The following SLC35F3 variants were observed in gnomAD, a reference collection of about 807,000 sequenced individuals.
The protein encoded by SLC35F3 is solute carrier family 35 member F3, also known as putative thiamine transporter SLC35F3.
Under a neutral mutation model 49.9 loss-of-function variants are expected in SLC35F3, and 25 were observed. The ratio of observed to expected loss-of-function variants is 0.50; its 90% CI spans 0.37 to 0.70. The LOEUF is 0.70. SLC35F3 is among the 30% of genes least tolerant of loss of function. SLC35F3 has a pLI of 0.00. For synonymous variants in SLC35F3, 275 were observed against 265.4 expected, an observed-to-expected ratio of 1.04 and a Z score of -0.35; for missense variants, 525 against 639.8, an observed-to-expected ratio of 0.82 and a Z score of 1.94.
chr1:234,230,217 G>A (rs988722246), intron 2 of SLC35F3, among the ~76,000 whole-genome samples: 1 of 152,196 alleles, frequency 6.6e-6, no homozygotes, highest in Non-Finnish European at 1.5e-5. Context: ...CAGCACAGCT[G>A]GTGGTTAACG....
Position 233,908,515 on chromosome 1 carries a change from A to G in SLC35F3, c.283+2757A>G, listed in dbSNP as rs181741867. Among the ~76,000 whole-genome samples the G allele has an allele frequency of 7.8e-4, 118 of 151,752 alleles. 1 individual carries two copies. Among genetic ancestry groups the G allele is most frequent in the African/African-American group, 2.8e-3 (115 of 41,390 alleles). On this transcript the variant is annotated intron_variant, in intron 2 of 7. Transcript: ENST00000366618. Reference sequence around the variant, plus strand: ...TGGATTCGCAAGTTTCGCTCTAGACAAGAGAATTTTGTAAAGGATTCTTTT... The same window carrying G: ...TGGATTCGCAAGTTTCGCTCTAGACGAGAGAATTTTGTAAAGGATTCTTTT...
At chr1:233,916,980 A>C (rs1661982487) in intron 2 of SLC35F3, among the ~76,000 whole-genome samples, 1 of 149,922 alleles carries the variant, frequency 6.7e-6, no homozygotes, top group Admixed American at 6.7e-5. Context: ...TTCCTTCTTC[A>C]TTCAGTCATC....
At chr1:234,024,497 T>C (rs1309335015) in intron 2 of SLC35F3, among the ~76,000 whole-genome samples, 2 of 152,162 alleles carry the variant, frequency 1.3e-5, no homozygotes, top group Non-Finnish European at 2.9e-5. Flanking sequence ...AATTTCTTTC[T>C]TACAGTTATG....
chr1:234,069,239 T>C (rs1471656244), intron 2 of SLC35F3, among the ~76,000 whole-genome samples: 1 of 133,868 alleles, frequency 7.5e-6, no homozygotes, highest in East Asian at 2.0e-4. Context: ...TATATAAAAA[T>C]ATATAATATA....
At chr1:234,192,477 A>T (rs190065416) in intron 2 of SLC35F3, among the ~76,000 whole-genome samples, 55 of 152,338 alleles carry the variant, frequency 3.6e-4, no homozygotes. Context: ...TCTATGACAA[A>T]TCCACAGCCA....
intron 2 of SLC35F3, among the ~76,000 whole-genome samples, chr1:234,180,173 G>T (rs1666535503): frequency 6.6e-6 from 1 of 152,144 alleles, no homozygotes; most frequent in Admixed American, 6.5e-5. Flanking sequence ...TGAGCCTCAG[G>T]TGGTCATCTC....
intron 3 of SLC35F3, among the ~76,000 whole-genome samples, chr1:234,256,523 G>A (rs988810560): frequency 2.6e-5 from 4 of 152,210 alleles, no homozygotes; most frequent in African/African-American, 9.7e-5. Flanking sequence ...TGATTTCACA[G>A]CCTCATGACT....
chr1:234,146,982 G>C (rs914663637), intron 2 of SLC35F3, among the ~76,000 whole-genome samples: 1 of 152,146 alleles, frequency 6.6e-6, no homozygotes, highest in Non-Finnish European at 1.5e-5. Flanking sequence ...AAAATTATAG[G>C]TTCAAAGATA....
intron 4 of SLC35F3, among the ~76,000 whole-genome samples, chr1:234,315,045 A>G (rs1302598245): frequency 6.6e-6 from 1 of 152,132 alleles, no homozygotes; most frequent in Non-Finnish European, 1.5e-5. Flanking sequence ...TCTCTTAATG[A>G]ACACTTCTAC....
chr1:234,114,857 C>T (rs1445441033), intron 2 of SLC35F3, among the ~76,000 whole-genome samples: 1 of 151,940 alleles, frequency 6.6e-6, no homozygotes, highest in Non-Finnish European at 1.5e-5. Context: ...TCTTGAGATG[C>T]GGCGTGCATT....
At chr1:234,045,045 G>A (rs547765551) in intron 2 of SLC35F3, among the ~76,000 whole-genome samples, 2 of 152,084 alleles carry the variant, frequency 1.3e-5, no homozygotes, top group South Asian at 2.1e-4. Context: ...TGTGCTTCAA[G>A]GTTGCTATGA....
At chr1:234,265,797 C>A (rs1572123706) in intron 3 of SLC35F3, among the ~76,000 whole-genome samples, 2 of 152,298 alleles carry the variant, frequency 1.3e-5, no homozygotes, top group Admixed American at 1.3e-4. Context: ...AGTCTATGTA[C>A]CCCACATGAT....
chr1:234,034,745 A>G (rs1004863167), intron 2 of SLC35F3, among the ~76,000 whole-genome samples: 2 of 151,568 alleles, frequency 1.3e-5, no homozygotes, highest in African/African-American at 4.9e-5. Context: ...CTAGTCTCGA[A>G]CTCCTAGCCT....
At chr1:234,159,133 G>A (rs1247253272) in intron 2 of SLC35F3, among the ~76,000 whole-genome samples, 1 of 152,104 alleles carries the variant, frequency 6.6e-6, no homozygotes, top group African/African-American at 2.4e-5. Context: ...ACACACGAAT[G>A]TGAAGTTTGT....
intron 2 of SLC35F3, among the ~76,000 whole-genome samples, chr1:234,121,119 A>G (rs1311043853): frequency 6.6e-6 from 1 of 150,662 alleles, no homozygotes; most frequent in Non-Finnish European, 1.5e-5. Context: ...TATCAATTTG[A>G]AGATGAAAAA....
intron 2 of SLC35F3, among the ~76,000 whole-genome samples, chr1:234,116,041 T>C (rs1242417332): frequency 1.3e-5 from 2 of 152,166 alleles, no homozygotes; most frequent in Admixed American, 1.3e-4. Context: ...TTCTTTCAAG[T>C]CTTTGATCAG....
intron 3 of SLC35F3, among the ~76,000 whole-genome samples, chr1:234,234,849 T>A (rs1667438045): frequency 6.6e-6 from 1 of 152,162 alleles, no homozygotes; most frequent in Admixed American, 6.5e-5. Flanking sequence ...TGCTGTGTGA[T>A]CAAATGACAC....
intron 2 of SLC35F3, among the ~76,000 whole-genome samples, chr1:234,108,343 A>AAGAT (rs1400049075): frequency 8.2e-6 from 1 of 122,066 alleles, no homozygotes; most frequent in Non-Finnish European, 1.6e-5. Context: ...ATATATATAA[A>AAGAT]AGATATATAT....
intron 3 of SLC35F3, among the ~76,000 whole-genome samples, chr1:234,294,162 T>C (rs1339721185): frequency 6.6e-6 from 1 of 152,202 alleles, no homozygotes; most frequent in Admixed American, 6.5e-5. Context: ...CACATCTGCA[T>C]AATTAGTTGC....
Sources: gnomAD v4.1 joint callset for allele counts (sites outside exome capture counted in the v4.1 genomes callset) on GRCh38, gnomAD v4.1.1 for gene constraint, MANE v1.5 for transcripts, NCBI Gene and HGNC (gene_info 2026-07-23, HGNC 2026-07-21) for gene names.